Variants in GSN observed in about 807,000 individuals in gnomAD.
GSN encodes actin-depolymerizing factor.
A neutral mutation model predicts 85.7 loss-of-function variants in GSN; 56 were observed. The observed-to-expected ratio is 0.65, with a 90% CI of 0.53 to 0.82. The LOEUF (loss-of-function observed/expected upper bound fraction) is 0.82, where lower values mean the gene tolerates loss of function less well. Ranked by LOEUF, GSN falls within the 40% of genes least tolerant of loss-of-function variation. The probability of loss-of-function intolerance (pLI) is 0.00; values close to 1 mark genes in which losing one functional copy is unlikely to be tolerated. For synonymous variants in GSN, 373 were observed against 399.1 expected (o/e 0.93, Z 0.78); for missense variants, 857 against 979.8 (o/e 0.87, Z 1.67).
chr9:121,250,954 T>C (rs2054817283), intron 6 of GSN, among the ~76,000 whole-genome samples: 1 of 151,462 alleles, frequency 6.6e-6, no homozygotes, highest in Non-Finnish European at 1.5e-5. Flanking sequence ...CCCAAGTAGC[T>C]GGGACTACAG....
At chr9:121,300,127 G>GT (rs1564470900) in intron 2 of GSN, 1 of 1,603,944 alleles carries the variant, frequency 6.2e-7, no homozygotes, top group East Asian at 2.2e-5. Context: ...TTGTTGCTTT[G>GT]TAAGTATCTC....
chr9:121,232,938 G>A (rs1214668163), intron 5 of GSN, among the ~76,000 whole-genome samples: 1 of 152,216 alleles, frequency 6.6e-6, no homozygotes, highest in African/African-American at 2.4e-5. Context: ...TCCCCTGATA[G>A]AAGTTTTCAT....
intron 2 of GSN, among the ~76,000 whole-genome samples, chr9:121,298,305 C>T (rs7870827): frequency 0.012 from 1,819 of 152,324 alleles, 37 homozygotes; most frequent in African/African-American, 0.041. Context: ...TCTTAATCTC[C>T]GTCCTCCCTG....
At chr9:121,231,344 A>C (rs1369086593) in intron 5 of GSN, 1 of 152,178 alleles carries the variant, frequency 6.6e-6, no homozygotes, top group Non-Finnish European at 1.5e-5. Context: ...ATCCTTGTAA[A>C]GGATTTCCTT....
chr9:121,246,946 CT>C lies in GSN; in HGVS notation c.-388-1329del, dbSNP rs1024833959. Among the ~76,000 whole-genome samples, 16 of 152,254 alleles carry C rather than the reference CT, an allele frequency of 1.1e-4. 1 individual carries two copies. The highest frequency in any genetic ancestry group is 2.9e-4 in the African/African-American group (12 of 41,544). On this transcript the variant is annotated intron_variant, in intron 5 of 24. Coordinates refer to the GSN transcript ENST00000373823. ...TGTGATATGGCTGCTCCTGTGGTTC[CT>C]GTGGTGTTCCTGTAGGCAGAAGAGC...
Position 121,318,290 on chromosome 9 carries a change from G to A in GSN, c.887-116G>A. The A allele has an allele frequency of 3.4e-6, 3 of 879,460 alleles. No homozygotes were observed. The highest frequency in any genetic ancestry group is 2.2e-4 in the Middle Eastern group (1 of 4,562). The allele number at this position is 879,460 out of a possible 1,614,324, so 54.5% of individuals were successfully genotyped here. On this transcript the variant is annotated intron_variant, in intron 8 of 17. Coordinates refer to ENST00000432226, the MANE Select transcript of GSN (RefSeq NM_198252.3). The surrounding 1 kb of genome is among the most constrained non-coding windows in gnomAD (Gnocchi z 4.3). ...GGGTCTCTGGCCTTGGCTGTCCACA[G>A]TCTAAGAAGAGTAGGGAGGGAAGTT...
At chr9:121,221,131 G>A (rs1029099427) in intron 4 of GSN, among the ~76,000 whole-genome samples, 2 of 152,170 alleles carry the variant, frequency 1.3e-5, no homozygotes, top group Admixed American at 6.5e-5. Flanking sequence ...GAGGAGGGGC[G>A]CCTCGGCCCA....
At chr9:121,253,567 AG>A (rs929739056) in intron 6 of GSN, among the ~76,000 whole-genome samples, 2 of 152,184 alleles carry the variant, frequency 1.3e-5, no homozygotes, top group African/African-American at 4.8e-5. Context: ...TTCATCTCGA[AG>A]TTATATGGTA....
chr9:121,270,652 G>A (rs1346615989), intron 1 of GSN, among the ~76,000 whole-genome samples: 6 of 152,038 alleles, frequency 3.9e-5, no homozygotes, highest in Non-Finnish European at 8.8e-5. Flanking sequence ...CTCCAAGCCC[G>A]CCTCTTTCCC....
chr9:121,246,425 T>C (rs74802915), intron 5 of GSN, among the ~76,000 whole-genome samples: 3,559 of 152,272 alleles, frequency 0.023, 87 homozygotes, highest in Non-Finnish European at 0.032. Context: ...AACTTAATTA[T>C]AAAGCTAGTT....
upstream of GSN, among the ~76,000 whole-genome samples, chr9:121,206,050 C>T (rs1230824598): frequency 6.6e-6 from 1 of 151,952 alleles, no homozygotes. Flanking sequence ...GAGCCACACT[C>T]AGACTTTAAA....
chr9:121,247,712 G>A (rs2054728881), intron 5 of GSN, among the ~76,000 whole-genome samples: 15 of 152,152 alleles, frequency 9.9e-5, no homozygotes, highest in Admixed American at 9.8e-4. Context: ...AGTACAAAAA[G>A]CATCCAAAAT....
At chr9:121,290,952 C>T (rs1458017784) in intron 2 of GSN, among the ~76,000 whole-genome samples, 1 of 152,094 alleles carries the variant, frequency 6.6e-6, no homozygotes, top group African/African-American at 2.4e-5. Context: ...GCTGGGATTA[C>T]AGGCACAAGC....
chr9:121,318,747 G>T lies in GSN; in HGVS notation c.1058G>T (p.Gly353Val), dbSNP rs770264538. 7 of 1,613,890 alleles carry T rather than the reference G, an allele frequency of 4.3e-6. No homozygotes were observed. Among genetic ancestry groups the T allele is most frequent in the Non-Finnish European group, 5.9e-6 (7 of 1,179,966 alleles). Reference sequence around the variant, plus strand: ...TGGCGGGACCCAGACCAGACAGATGGCCTGGGCTTGTCCTACCTTTCCAGC... The same window carrying T: ...TGGCGGGACCCAGACCAGACAGATGTCCTGGGCTTGTCCTACCTTTCCAGC... ...KNWRDPDQTD[G>V]LGLSYLSSHI... is the part of the protein sequence containing the mutation. The change falls in exon 10 of 18, where the codon GGC (glycine) becomes GTC (valine). Residue 353 changes from glycine to valine, a missense_variant. Physicochemically the swap from Gly to Val is moderately radical, Grantham distance 109. Transcript: ENST00000432226. This position sits in a 1 kb window ranked among gnomAD's most constrained non-coding sequence, Gnocchi z 4.3.
Position 121,318,788 on chromosome 9 carries a change from GA to G in GSN, c.1100del (p.Glu367GlyfsTer72). The G allele has an allele frequency of 1.9e-6, 3 of 1,614,130 alleles. No individual in the cohort carries two copies. The highest frequency in any genetic ancestry group is 2.5e-6 in the Non-Finnish European group (3 of 1,180,008). On this transcript the variant is annotated frameshift_variant, in exon 10 of 18. Transcript: ENST00000432226. LOFTEE classifies it high-confidence loss of function. This position sits in a 1 kb window ranked among gnomAD's most constrained non-coding sequence, Gnocchi z 4.3. The part of the protein sequence containing the change: ...SYLSSHIANV[E>X]RVPFDAATLH... ...CCTTTCCAGCCATATCGCCAACGTG[GA>G]GCGGGTGCCCTTCGACGCCGCCACC... is the stretch of plus-strand genomic sequence containing the variant.
At chr9:121,328,170 G>A (rs184778927) in intron 14 of GSN, among the ~76,000 whole-genome samples, 1 of 152,328 alleles carries the variant, frequency 6.6e-6, no homozygotes, top group Admixed American at 6.5e-5. Context: ...TTTCCAGAAT[G>A]TGGGCCGGGC....
chr9:121,325,096 G>C (rs2062992217), intron 12 of GSN, among the ~76,000 whole-genome samples: 2 of 152,236 alleles, frequency 1.3e-5, no homozygotes, highest in Admixed American at 1.3e-4. Context: ...CTGTGCCTCT[G>C]TGTCCTCAAA....
rs767748615 is a variant in GSN, at chr9:121,328,990, G to A, written c.1862G>A (p.Cys621Tyr). 1 of 1,613,898 alleles carries A rather than the reference G, an allele frequency of 6.2e-7. No homozygotes were observed. Among genetic ancestry groups the A allele is most frequent in the Non-Finnish European group, 8.5e-7 (1 of 1,180,018 alleles). The change falls in exon 15 of 18, where the codon TGC (cysteine) becomes TAC (tyrosine). Residue 621 changes from cysteine (C) to tyrosine (Y), a missense_variant. Physicochemically the swap from Cys to Tyr is radical, Grantham distance 194. Coordinates refer to ENST00000432226, the MANE Select transcript of GSN (RefSeq NM_198252.3). ...GCCCATCCTCCTCGCCTCTTTGCCT[G>A]CTCCAACAAGATTGGACGTTTTGTG... is the stretch of plus-strand genomic sequence containing the variant. ...MDAHPPRLFA[C>Y]SNKIGRFVIE...
chr9:121,319,486 T>TC (rs1340088866), intron 10 of GSN, among the ~76,000 whole-genome samples: 1 of 150,172 alleles, frequency 6.7e-6, no homozygotes, highest in African/African-American at 2.5e-5. Context: ...TTATGCTTTA[T>TC]CTTTTTTTTT....
Sources: allele counts gnomAD v4.1 joint callset (sites outside exome capture counted in the v4.1 genomes callset), GRCh38; gene constraint gnomAD v4.1.1; non-coding constraint Gnocchi (gnomAD v3.1); transcripts MANE v1.5; gene names NCBI Gene and HGNC (gene_info 2026-07-23, HGNC 2026-07-21).